ZNF385D: variants seen among roughly 807,000 people sequenced by gnomAD.
The protein encoded by ZNF385D is zinc finger protein 659.
ZNF385D carries 15 observed loss-of-function variants against 35.8 expected under a neutral mutation model. The ratio of observed to expected loss-of-function variants is 0.42; its 90% CI spans 0.28 to 0.64. The LOEUF is 0.64. ZNF385D is among the 30% of genes least tolerant of loss of function. The probability of loss-of-function intolerance (pLI) is 0.23; values close to 1 mark genes in which losing one functional copy is unlikely to be tolerated. For missense variants in ZNF385D, 474 were observed against 494.6 expected (o/e 0.96, Z 0.39); for synonymous variants, 212 against 186.8 (o/e 1.13, Z -1.10).
chr3:21,440,400 A>C lies in ZNF385D; in HGVS notation c.440-3197T>G, dbSNP rs572741333. On this transcript the variant is annotated intron_variant, in intron 4 of 7. Coordinates refer to ENST00000281523, the MANE Select transcript of ZNF385D (RefSeq NM_024697.3). Reference sequence around the variant, plus strand: ...ACCTAAACTTAAGGACATTTATCAAATTCCTGACCAGTACTCCTCAAAACT... The same window carrying C: ...ACCTAAACTTAAGGACATTTATCAACTTCCTGACCAGTACTCCTCAAAACT... 1.2e-4 allele frequency among the ~76,000 whole-genome samples: 19 copies of C among 152,234 alleles called. 1 individual carries two copies. The South Asian group carries it at 3.9e-3, about 32-fold the overall frequency.
At chr3:21,868,422 C>T (rs1337113627) in intron 3 of ZNF385D, among the ~76,000 whole-genome samples, 1 of 152,122 alleles carries the variant, frequency 6.6e-6, no homozygotes, top group Admixed American at 6.6e-5. Context: ...AAGGGTCTCA[C>T]TGCTACTACA....
chr3:22,214,600 CT>C (rs1168977991), intron 2 of ZNF385D, among the ~76,000 whole-genome samples: 1 of 151,974 alleles, frequency 6.6e-6, no homozygotes, highest in African/African-American at 2.4e-5. Flanking sequence ...AGGTAGACCT[CT>C]AAAATGGCCG....
At chr3:22,060,697 T>G (rs994704753) in intron 3 of ZNF385D, among the ~76,000 whole-genome samples, 1 of 152,032 alleles carries the variant, frequency 6.6e-6, no homozygotes, top group Non-Finnish European at 1.5e-5. Flanking sequence ...AAGTTTTAGA[T>G]GATTAAAATT....
chr3:21,655,140 T>C (rs2066036346), intron 2 of ZNF385D, among the ~76,000 whole-genome samples: 1 of 152,108 alleles, frequency 6.6e-6, no homozygotes, highest in East Asian at 1.9e-4. Flanking sequence ...AAAATGCTTA[T>C]TAAGGCTTCA....
At chr3:22,012,994 A>G (rs1185971856) in intron 3 of ZNF385D, among the ~76,000 whole-genome samples, 2 of 152,158 alleles carry the variant, frequency 1.3e-5, no homozygotes, top group Admixed American at 6.5e-5. Flanking sequence ...AAAATTAAAA[A>G]TAAATATTAG....
chr3:21,440,577 G>A (rs1030743717), intron 4 of ZNF385D, among the ~76,000 whole-genome samples: 3 of 151,992 alleles, frequency 2.0e-5, no homozygotes, highest in Non-Finnish European at 4.4e-5. Context: ...AATAAAGAAT[G>A]GGCTTTAGTT....
At chr3:21,715,525 A>T (rs1414591694) in intron 1 of ZNF385D, among the ~76,000 whole-genome samples, 7 of 152,122 alleles carry the variant, frequency 4.6e-5, no homozygotes, top group African/African-American at 1.4e-4. Flanking sequence ...GTGATTCCAT[A>T]TCTTTGCTAT....
chr3:22,132,047 T>C (rs1442775448), intron 3 of ZNF385D, among the ~76,000 whole-genome samples: 1 of 152,124 alleles, frequency 6.6e-6, no homozygotes, highest in East Asian at 1.9e-4. Context: ...ATTTTGTTCA[T>C]CAATTGATAA....
chr3:21,540,511 A>T (rs2125559667), intron 3 of ZNF385D, among the ~76,000 whole-genome samples: 1 of 152,334 alleles, frequency 6.6e-6, no homozygotes, highest in East Asian at 1.9e-4. Flanking sequence ...GTTGATTATC[A>T]TGACAAGTTC....
chr3:21,582,620 A>G (rs1370838563), intron 2 of ZNF385D, among the ~76,000 whole-genome samples: 1 of 152,198 alleles, frequency 6.6e-6, no homozygotes, highest in Non-Finnish European at 1.5e-5. Context: ...GGAAGGATAA[A>G]GTCAAGGATA....
chr3:21,967,207 CTT>C (rs1702962743), intron 3 of ZNF385D, among the ~76,000 whole-genome samples: 1 of 152,050 alleles, frequency 6.6e-6, no homozygotes, highest in Non-Finnish European at 1.5e-5. Flanking sequence ...TGTTTAGTCT[CTT>C]TTTATCTATT....
intron 2 of ZNF385D, among the ~76,000 whole-genome samples, chr3:22,356,128 T>C (rs1371132299): frequency 6.6e-6 from 1 of 152,036 alleles, no homozygotes; most frequent in Non-Finnish European, 1.5e-5. Context: ...GAGATTTAAC[T>C]ACTTTGAATT....
At chr3:21,922,163 C>T (rs1454781335) in intron 3 of ZNF385D, among the ~76,000 whole-genome samples, 1 of 151,978 alleles carries the variant, frequency 6.6e-6, no homozygotes, top group Non-Finnish European at 1.5e-5. Context: ...AAAAATAGTC[C>T]ATGCTCATGA....
intron 3 of ZNF385D, among the ~76,000 whole-genome samples, chr3:21,838,075 C>G (rs2630794): frequency 0.89 from 135,586 of 152,042 alleles, 60,708 homozygotes; most frequent in African/African-American, 0.96. Flanking sequence ...TGCACATTAA[C>G]AGTAGCAATC....
intron 3 of ZNF385D, chr3:21,511,793 C>T (rs1233359380): frequency 2.9e-5 from 13 of 453,636 alleles, no homozygotes; most frequent in South Asian, 1.7e-4. Context: ...GAGTGATATG[C>T]ATTTTCTCAT....
At chr3:22,127,317 C>CCTTTTTTTTTTTTTTTT (rs1703492425) in intron 3 of ZNF385D, among the ~76,000 whole-genome samples, 1 of 56,308 alleles carries the variant, frequency 1.8e-5, no homozygotes, top group African/African-American at 7.9e-5. Context: ...TCATTTCCTG[C>CCTTTTTTTTTTTTTTTT]TTTTTTTTTT....
chr3:21,931,590 A>C (rs1418703791), intron 3 of ZNF385D, among the ~76,000 whole-genome samples: 1 of 152,172 alleles, frequency 6.6e-6, no homozygotes, highest in Admixed American at 6.5e-5. Context: ...TCAGCAATAA[A>C]CAAGAATATA....
chr3:21,806,455 T>C (rs940783386), intron 3 of ZNF385D, among the ~76,000 whole-genome samples: 2 of 152,016 alleles, frequency 1.3e-5, no homozygotes, highest in Non-Finnish European at 2.9e-5. Flanking sequence ...TGCACCCACC[T>C]CGGCCTCCCA....
intron 4 of ZNF385D, among the ~76,000 whole-genome samples, chr3:21,445,406 T>C (rs1032226463): frequency 3.3e-5 from 5 of 152,240 alleles, no homozygotes; most frequent in African/African-American, 1.2e-4. Flanking sequence ...TAAAGAGAGA[T>C]AAGCTGATTA....
Sources: allele counts gnomAD v4.1 joint callset (sites outside exome capture counted in the v4.1 genomes callset), GRCh38; gene constraint gnomAD v4.1.1; transcripts MANE v1.5; gene names NCBI Gene and HGNC (gene_info 2026-07-23, HGNC 2026-07-21).